MATN2: variants seen among roughly 807,000 people sequenced by gnomAD.
MATN2 encodes matrilin-2.
In MATN2, 69 loss-of-function variants were observed where a neutral mutation model predicts 103.2. That is an observed-to-expected ratio of 0.67 (90% CI 0.55 to 0.82). MATN2 has a LOEUF of 0.82. Among genes scored for constraint, MATN2 ranks in the 40% least tolerant of loss-of-function variants. The pLI, the probability that MATN2 is intolerant of heterozygous loss-of-function variation, is 0.00. For synonymous variants in MATN2, 429 were observed against 450.2 expected (o/e 0.95, Z 0.60); for missense variants, 1,023 against 1,211.5 (o/e 0.84, Z 2.31).
intron 7 of MATN2, among the ~76,000 whole-genome samples, chr8:98,001,591 A>C (rs981382794): frequency 3.3e-4 from 50 of 151,660 alleles, no homozygotes; most frequent in Admixed American, 1.3e-4. Context: ...CAGGCTCCCA[A>C]GTAGCTGGGA....
At chr8:97,925,491 A>G (rs540160488) in intron 2 of MATN2, among the ~76,000 whole-genome samples, 1 of 152,212 alleles carries the variant, frequency 6.6e-6, no homozygotes, top group East Asian at 1.9e-4. Flanking sequence ...CCTACTTTCT[A>G]AGGTGTGTTC....
Position 98,033,589 on chromosome 8 carries a change from A to C in MATN2, c.2745A>C (p.Gln915His). Residue 915 changes from glutamine (Q) to histidine (H), a missense_variant, in exon 18 of 19, where the codon CAA becomes CAC. Physicochemically the swap from Gln to His is conservative, Grantham distance 24. Coordinates refer to ENST00000254898, the MANE Select transcript of MATN2 (RefSeq NM_002380.5). ...GCCCTTTGGAAGAAAAACACGATCA[A>C]TGCAAATGTGAAAACCTTATAATGT... ...SGSPLEEKHD[Q>H]CKCENLIMFQ... 6.2e-7 allele frequency: 1 copy of C among 1,604,224 alleles called. No homozygotes were observed. The highest frequency in any genetic ancestry group is 8.5e-7 in the Non-Finnish European group (1 of 1,175,776).
At position 97,920,874 on chromosome 8, in the gene MATN2, G is replaced by A. The variant is rs566895581; in HGVS notation, c.143-10079G>A. Reference sequence around the variant, plus strand: ...GGTGCTGTGTCAAGAGGAATCCTGTGGTTGGACTTTGATTCTGAGACCAGG... The same window carrying A: ...GGTGCTGTGTCAAGAGGAATCCTGTAGTTGGACTTTGATTCTGAGACCAGG... On this transcript the variant is annotated intron_variant, in intron 2 of 18. Coordinates refer to ENST00000254898, the MANE Select transcript of MATN2 (RefSeq NM_002380.5). Among the ~76,000 whole-genome samples the A allele has an allele frequency of 2.6e-5, 4 of 152,298 alleles. No homozygotes were observed. The South Asian group carries it at 8.3e-4, about 32-fold the overall frequency.
rs149996231 is a variant in MATN2, at chr8:97,914,358, C to CTTT, written c.143-16567_143-16565dup. ...TCGTTTGTCCTAATAAAATCCAGAC[C>CTTT]TTTTTTTTTTTTTTTTTTTTTTTTT... On this transcript the variant is annotated intron_variant, in intron 2 of 18. Transcript: ENST00000254898. 2.5e-3 allele frequency among the ~76,000 whole-genome samples: 133 copies of CTTT among 52,994 alleles called. 10 individuals are homozygous for CTTT. Among genetic ancestry groups the CTTT allele is most frequent in the Middle Eastern group, 0.015 (1 of 66 alleles). 34.8% of individuals were successfully genotyped at this position (52,994 alleles called of 152,430 possible).
chr8:98,004,905 T>C (rs897996060), intron 8 of MATN2, among the ~76,000 whole-genome samples: 4 of 152,194 alleles, frequency 2.6e-5, no homozygotes, highest in African/African-American at 9.7e-5. Flanking sequence ...GCCAGCAGGA[T>C]AGGAGCGCCT....
At chr8:97,965,255 C>T (rs180909419) in intron 5 of MATN2, among the ~76,000 whole-genome samples, 14 of 152,208 alleles carry the variant, frequency 9.2e-5, no homozygotes, top group Non-Finnish European at 1.9e-4. Context: ...GAAAATCAGA[C>T]GTAAAGCCTA....
chr8:97,978,013 T>G (rs1405864403), intron 5 of MATN2, among the ~76,000 whole-genome samples: 1 of 152,150 alleles, frequency 6.6e-6, no homozygotes, highest in Non-Finnish European at 1.5e-5. Context: ...CTCCAGAATT[T>G]TCTTTATCTC....
chr8:98,001,941 G>A (rs180721858), intron 7 of MATN2, among the ~76,000 whole-genome samples: 3 of 152,278 alleles, frequency 2.0e-5, no homozygotes, highest in East Asian at 3.9e-4. Context: ...CATGCTTGGG[G>A]GTCATGGGGT....
Position 98,030,598 on chromosome 8 carries a change from G to C in MATN2, c.2493G>C (p.Lys831Asn), listed in dbSNP as rs933707038. ...TGGATGAGATAAGTGAAAAACTCAA[G>C]AAAGGCATCTGTGAAGGTACTATAG... is the stretch of plus-strand genomic sequence containing the variant. ...STMDEISEKLKKGICEALEDS... is the reference protein window; with the variant it reads ...STMDEISEKLNKGICEALEDS... The change falls in exon 15 of 19, where the codon AAG (lysine) becomes AAC (asparagine). Residue 831 changes from lysine to asparagine, a missense_variant. Physicochemically the swap from Lys to Asn is moderately conservative, Grantham distance 94. Coordinates refer to ENST00000254898, the MANE Select transcript of MATN2 (RefSeq NM_002380.5). 3 of 1,613,884 alleles carry C rather than the reference G, an allele frequency of 1.9e-6. No individual in the cohort carries two copies. In the Admixed American group the frequency reaches 5.0e-5, roughly 27 times the overall value.
chr8:97,961,555 G>T, intron 5 of MATN2, 25 bp downstream of exon 5: 16 of 1,589,596 alleles, frequency 1.0e-5, no homozygotes, highest in Non-Finnish European at 1.3e-5. Flanking sequence ...AGCTGGGCTT[G>T]GTAGGGAAGG....
chr8:97,979,888 T>C (rs1388441029), intron 6 of MATN2, among the ~76,000 whole-genome samples: 1 of 152,198 alleles, frequency 6.6e-6, no homozygotes, highest in Non-Finnish European at 1.5e-5. Context: ...ACAGGATACA[T>C]CTGCACAAAA....
intron 6 of MATN2, among the ~76,000 whole-genome samples, chr8:97,990,280 C>G (rs1812351835): frequency 6.6e-6 from 1 of 150,440 alleles, no homozygotes; most frequent in Admixed American, 6.6e-5. Context: ...GGCGAAGAAG[C>G]ATATGAAAAT....
chr8:97,988,054 C>G (rs574240705), intron 6 of MATN2, among the ~76,000 whole-genome samples: 1 of 148,706 alleles, frequency 6.7e-6, no homozygotes, highest in South Asian at 2.1e-4. Flanking sequence ...CATGGTGGAT[C>G]ATGCCTGTAA....
intron 4 of MATN2, among the ~76,000 whole-genome samples, chr8:97,959,821 A>G (rs1397938260): frequency 6.6e-6 from 1 of 152,254 alleles, no homozygotes; most frequent in African/African-American, 2.4e-5. Context: ...GATATTTTAT[A>G]TTTATGTAAA....
chr8:97,979,629 A>G (rs1811955182), intron 6 of MATN2, among the ~76,000 whole-genome samples: 1 of 152,244 alleles, frequency 6.6e-6, no homozygotes, highest in Admixed American at 6.5e-5. Flanking sequence ...AAAGTGTTCT[A>G]TTAAATATAA....
chr8:97,977,891 A>G (rs1183309843), intron 5 of MATN2, among the ~76,000 whole-genome samples: 2 of 151,280 alleles, frequency 1.3e-5, no homozygotes, highest in African/African-American at 4.9e-5. Flanking sequence ...TTTAGTCAAC[A>G]CTCTTCCTAA....
At chr8:97,918,529 C>T (rs143960606) in intron 2 of MATN2, among the ~76,000 whole-genome samples, 3 of 152,308 alleles carry the variant, frequency 2.0e-5, no homozygotes, top group African/African-American at 7.2e-5. Context: ...ACTGTCATCA[C>T]GACCTGGTGC....
chr8:97,974,723 G>T (rs1157820120), intron 5 of MATN2, among the ~76,000 whole-genome samples: 3 of 152,208 alleles, frequency 2.0e-5, no homozygotes, highest in Non-Finnish European at 4.4e-5. Context: ...GGGATTACAG[G>T]CTTGAGCCAC....
In MATN2 at chr8:97,978,992, T is replaced by C. The variant is rs1336031414; in HGVS notation, c.1065T>C (p.Asp355=). Residue 355 remains aspartate (D), a synonymous_variant, in exon 6 of 19, where the codon GAT becomes GAC. Transcript: ENST00000254898. The part of the protein sequence containing the change: ...QCHEGFALNP[D]KKTCTKIDYC... Reference sequence around the variant, plus strand: ...ATGAAGGATTTGCTCTTAACCCAGATAAAAAAACGTGCACAAGTAAGTTAC... The same window carrying C: ...ATGAAGGATTTGCTCTTAACCCAGACAAAAAAACGTGCACAAGTAAGTTAC... The C allele has an allele frequency of 1.2e-6, 2 of 1,610,816 alleles. No individual in the cohort carries two copies. Among genetic ancestry groups the C allele is most frequent in the Non-Finnish European group, 1.7e-6 (2 of 1,178,848 alleles).
Sources: allele counts gnomAD v4.1 joint callset (sites outside exome capture counted in the v4.1 genomes callset), GRCh38; gene constraint gnomAD v4.1.1; transcripts MANE v1.5; gene names NCBI Gene and HGNC (gene_info 2026-07-23, HGNC 2026-07-21).